GUCY1A2: variants seen among roughly 807,000 people sequenced by gnomAD.
GUCY1A2 encodes guanylate cyclase soluble subunit alpha-2.
GUCY1A2 carries 27 observed loss-of-function variants against 63.5 expected under a neutral mutation model. That is an observed-to-expected ratio of 0.43 (90% CI 0.31 to 0.59). The LOEUF (loss-of-function observed/expected upper bound fraction) is 0.59. Among genes scored for constraint, GUCY1A2 ranks in the 20% least tolerant of loss-of-function variants. The pLI, the probability that GUCY1A2 is intolerant of heterozygous loss-of-function variation, is 0.11. For synonymous variants in GUCY1A2, 364 were observed against 343.5 expected (o/e 1.06, Z -0.66); for missense variants, 768 against 913.3 (o/e 0.84, Z 2.05).
chr11:106,945,294 T>C (rs891361623), intron 3 of GUCY1A2, among the ~76,000 whole-genome samples: 2 of 151,540 alleles, frequency 1.3e-5, no homozygotes, highest in African/African-American at 4.9e-5. Flanking sequence ...CTGAGAGAAC[T>C]GAAACCTAAA....
intron 7 of GUCY1A2, among the ~76,000 whole-genome samples, chr11:106,691,118 G>C (rs934738411): frequency 1.3e-5 from 2 of 152,126 alleles, no homozygotes; most frequent in African/African-American, 4.8e-5. Flanking sequence ...ATATATAGGT[G>C]TCAATCATTG....
At chr11:106,820,439 C>T (rs993002003) in intron 4 of GUCY1A2, among the ~76,000 whole-genome samples, 1 of 152,112 alleles carries the variant, frequency 6.6e-6, no homozygotes, top group Non-Finnish European at 1.5e-5. Flanking sequence ...CACTCTATCA[C>T]CCAGGCTGGA....
intron 1 of GUCY1A2, among the ~76,000 whole-genome samples, chr11:107,010,990 A>C (rs1439221643): frequency 2.0e-5 from 3 of 152,116 alleles, no homozygotes; most frequent in South Asian, 2.1e-4. Flanking sequence ...TCAGCCTCCC[A>C]AAGTGCTGGG....
At chr11:106,696,327 T>A (rs935592663) in intron 7 of GUCY1A2, among the ~76,000 whole-genome samples, 2 of 152,134 alleles carry the variant, frequency 1.3e-5, no homozygotes, top group Non-Finnish European at 2.9e-5. Flanking sequence ...AAGAGATAAG[T>A]GAGAGATTAG....
intron 4 of GUCY1A2, among the ~76,000 whole-genome samples, chr11:106,926,156 A>C (rs1860518263): frequency 6.6e-6 from 1 of 152,204 alleles, no homozygotes; most frequent in African/African-American, 2.4e-5. Flanking sequence ...GCAGTGGTTC[A>C]CGTCTATAAT....
At chr11:106,828,437 C>T (rs529529283) in intron 4 of GUCY1A2, among the ~76,000 whole-genome samples, 19 of 152,074 alleles carry the variant, frequency 1.2e-4, no homozygotes, top group Non-Finnish European at 2.2e-4. Flanking sequence ...TTTCCCAGTA[C>T]CCTTTATTAA....
intron 1 of GUCY1A2, among the ~76,000 whole-genome samples, chr11:106,986,606 A>G (rs1861404606): frequency 6.6e-6 from 1 of 152,210 alleles, no homozygotes; most frequent in African/African-American, 2.4e-5. Flanking sequence ...AAGCAGTGAT[A>G]AATTGAGTTA....
intron 4 of GUCY1A2, among the ~76,000 whole-genome samples, chr11:106,854,720 G>A (rs143893008): frequency 1.6e-3 from 251 of 152,232 alleles, no homozygotes; most frequent in Middle Eastern, 3.4e-3. Context: ...TCCGGAGGGT[G>A]TATGTGGGCA....
intron 4 of GUCY1A2, among the ~76,000 whole-genome samples, chr11:106,868,997 GA>G (rs1859635609): frequency 6.6e-6 from 1 of 152,108 alleles, no homozygotes; most frequent in South Asian, 2.1e-4. Context: ...ACAAAAACAA[GA>G]AATGGGGAAA....
Position 106,809,990 on chromosome 11 carries a change from T to C in GUCY1A2, c.1692+3A>G, listed in dbSNP as rs1858742873. ...TTATATGTAAGTAACTAAACTCCCT[T>C]ACCTTATAAATATCCAAAAATCCAC... On this transcript the variant is annotated splice_donor_region_variant and intron_variant, in intron 5 of 7. Coordinates refer to ENST00000526355, the MANE Select transcript of GUCY1A2 (RefSeq NM_000855.3). 1.9e-6 allele frequency: 3 copies of C among 1,584,046 alleles called. No individual in the cohort carries two copies. Among genetic ancestry groups the C allele is most frequent in the South Asian group, 1.1e-5 (1 of 89,846 alleles).
intron 5 of GUCY1A2, among the ~76,000 whole-genome samples, chr11:106,790,350 C>T (rs138251567): frequency 1.7e-4 from 26 of 150,626 alleles, no homozygotes; most frequent in Non-Finnish European, 2.8e-4. Context: ...AGTCCACTTG[C>T]GTGAATGCTG....
intron 4 of GUCY1A2, among the ~76,000 whole-genome samples, chr11:106,937,305 G>A (rs1332804614): frequency 1.3e-5 from 2 of 152,090 alleles, no homozygotes; most frequent in Non-Finnish European, 2.9e-5. Flanking sequence ...TTGGCAGGGG[G>A]CCTTGACATT....
chr11:106,819,838 C>G (rs1858878248), intron 4 of GUCY1A2, among the ~76,000 whole-genome samples: 1 of 152,028 alleles, frequency 6.6e-6, no homozygotes, highest in South Asian at 2.1e-4. Flanking sequence ...TTTGAGACAC[C>G]ATGTTTGAAC....
intron 5 of GUCY1A2, among the ~76,000 whole-genome samples, chr11:106,800,395 C>T (rs970624659): frequency 6.6e-6 from 1 of 152,126 alleles, no homozygotes; most frequent in African/African-American, 2.4e-5. Flanking sequence ...TGGGTATATG[C>T]CCAAAGGATT....
intron 4 of GUCY1A2, among the ~76,000 whole-genome samples, chr11:106,913,246 A>G (rs1232145933): frequency 6.6e-6 from 1 of 152,150 alleles, no homozygotes; most frequent in Non-Finnish European, 1.5e-5. Context: ...CTGAAGCTAG[A>G]CAATTTATAA....
Position 106,684,789 on chromosome 11 carries a change from C to T in GUCY1A2, c.*2760G>A, listed in dbSNP as rs2135330620. The T allele has an allele frequency of 4.8e-6, 1 of 209,704 alleles. No homozygotes were observed. Among genetic ancestry groups the T allele is most frequent in the East Asian group, 7.2e-5 (1 of 13,918 alleles). 13.0% of individuals were successfully genotyped at this position (209,704 alleles called of 1,614,324 possible). A position where few individuals can be genotyped will look rare whatever the true frequency, so the allele number is the denominator to read the frequency against. Reference sequence around the variant, plus strand: ...GGAACATCACACAAATTTCTTGTATCTGCCATACTAAAATGCATGCTGTTG... The same window carrying T: ...GGAACATCACACAAATTTCTTGTATTTGCCATACTAAAATGCATGCTGTTG... On this transcript the variant is annotated 3_prime_UTR_variant, in exon 8 of 8. Coordinates refer to ENST00000526355, the MANE Select transcript of GUCY1A2 (RefSeq NM_000855.3).
intron 1 of GUCY1A2, among the ~76,000 whole-genome samples, chr11:106,991,394 G>A (rs1861468623): frequency 6.6e-6 from 1 of 152,158 alleles, no homozygotes; most frequent in Non-Finnish European, 1.5e-5. Flanking sequence ...CTAAGCCAAT[G>A]GTTTTAAATT....
intron 6 of GUCY1A2, among the ~76,000 whole-genome samples, chr11:106,772,174 A>C (rs1335781094): frequency 6.6e-6 from 1 of 152,206 alleles, no homozygotes; most frequent in Non-Finnish European, 1.5e-5. Context: ...GTATATGACA[A>C]TTTTGGCTCC....
rs1004953479 is a variant in GUCY1A2, at chr11:106,674,641, A to G, written c.*12908T>C. ...ATATATATTAGTATATTTACCTGGT[A>G]TTAGTTGATGACATTATAATTTAAG... On this transcript the variant is annotated 3_prime_UTR_variant, in exon 8 of 8. Transcript: ENST00000526355. 1.1e-5 allele frequency: 2 copies of G among 186,622 alleles called. No homozygotes were observed. The highest frequency in any genetic ancestry group is 4.7e-5 in the African/African-American group (2 of 42,774). The allele number at this position is 186,622 out of a possible 1,614,324, so 11.6% of individuals were successfully genotyped here. A position where few individuals can be genotyped will look rare whatever the true frequency, so the allele number is the denominator to read the frequency against.
Sources: allele counts gnomAD v4.1 joint callset (sites outside exome capture counted in the v4.1 genomes callset), GRCh38; gene constraint gnomAD v4.1.1; transcripts MANE v1.5; gene names NCBI Gene and HGNC (gene_info 2026-07-23, HGNC 2026-07-21).